RBPJ: variants seen among roughly 807,000 people sequenced by gnomAD.
The protein encoded by RBPJ is recombination signal binding protein for immunoglobulin kappa J region, also known as recombining binding protein suppressor of hairless.
In RBPJ, 9 loss-of-function variants were observed where a neutral mutation model predicts 67.8. The observed-to-expected ratio is 0.13, with a 90% CI of 0.08 to 0.23. The LOEUF (loss-of-function observed/expected upper bound fraction) is 0.23, where lower values mean the gene tolerates loss of function less well. RBPJ is among the 10% of genes least tolerant of loss of function. The pLI is 1.00. For missense variants in RBPJ, 305 were observed against 595.6 expected (o/e 0.51, Z 5.08); for synonymous variants, 198 against 203.3 (o/e 0.97, Z 0.22).
At chr4:26,397,769 G>T (rs1231814411) in intron 2 of RBPJ, among the ~76,000 whole-genome samples, 2 of 152,212 alleles carry the variant, frequency 1.3e-5, no homozygotes, top group Non-Finnish European at 2.9e-5. Flanking sequence ...AGGTAGCTGG[G>T]ATTACAGGCG....
At chr4:26,402,721 T>C (rs1732969665) in intron 2 of RBPJ, among the ~76,000 whole-genome samples, 1 of 152,218 alleles carries the variant, frequency 6.6e-6, no homozygotes, top group Non-Finnish European at 1.5e-5. Context: ...TTCTTGACTC[T>C]CCTGTCAATG....
chr4:26,380,093 T>C (rs1311159653), intron 1 of RBPJ, among the ~76,000 whole-genome samples: 1 of 152,178 alleles, frequency 6.6e-6, no homozygotes, highest in Non-Finnish European at 1.5e-5. Context: ...TAGTGTCTTA[T>C]TCTTCTTGTG....
chr4:26,329,474 G>T (rs1467419862), intron 1 of RBPJ, among the ~76,000 whole-genome samples: 2 of 152,174 alleles, frequency 1.3e-5, no homozygotes, highest in East Asian at 3.9e-4. Flanking sequence ...TAATTGTACT[G>T]TAAGTCACTA....
intron 1 of RBPJ, among the ~76,000 whole-genome samples, chr4:26,287,509 T>C (rs1721507580): frequency 6.8e-6 from 1 of 148,036 alleles, no homozygotes; most frequent in Admixed American, 6.9e-5. Context: ...GTTGTAATCA[T>C]GCTGCTGCAG....
the RBPJ span, among the ~76,000 whole-genome samples, chr4:26,139,003 C>T: frequency 2.0e-5 from 3 of 152,204 alleles, no homozygotes; most frequent in Non-Finnish European, 4.4e-5. Context: ...CCAACAATCC[C>T]GGACATCCAA....
the RBPJ span, among the ~76,000 whole-genome samples, chr4:26,149,438 C>T: frequency 2.6e-5 from 4 of 152,064 alleles, no homozygotes; most frequent in East Asian, 3.9e-4. Flanking sequence ...TCAAGGTATC[C>T]GTGAGTGGGG....
At chr4:26,318,800 C>T (rs1165276789), upstream of RBPJ, among the ~76,000 whole-genome samples, 1 of 151,742 alleles carries the variant, frequency 6.6e-6, no homozygotes, top group Non-Finnish European at 1.5e-5. Context: ...AGATCGAGAC[C>T]ATCCTGACTA....
chr4:26,227,996 T>G (rs184084913), intron 1 of RBPJ, among the ~76,000 whole-genome samples: 75 of 152,300 alleles, frequency 4.9e-4, no homozygotes, highest in East Asian at 4.2e-3. Flanking sequence ...CGCAAGCCAT[T>G]GGTCTAGGGC....
chr4:26,115,329 CCT>C, the RBPJ span, among the ~76,000 whole-genome samples: 1 of 152,144 alleles, frequency 6.6e-6, no homozygotes, highest in African/African-American at 2.4e-5. Context: ...TTTTAAACTA[CCT>C]CTGAGTCAGT....
intron 1 of RBPJ, among the ~76,000 whole-genome samples, chr4:26,339,678 A>G (rs1323327339): frequency 6.6e-6 from 1 of 151,928 alleles, no homozygotes; most frequent in East Asian, 1.9e-4. Flanking sequence ...TACAGTGTGT[A>G]AAAGTAACAC....
chr4:26,333,328 G>T (rs1724454648), intron 1 of RBPJ, among the ~76,000 whole-genome samples: 1 of 152,122 alleles, frequency 6.6e-6, no homozygotes, highest in Non-Finnish European at 1.5e-5. Flanking sequence ...TATTAAAGGT[G>T]CCAGGGAGCT....
At chr4:26,272,570 A>G in intron 1 of RBPJ, 1 of 397,428 alleles carries the variant, frequency 2.5e-6, no homozygotes, top group Non-Finnish European at 4.9e-6. Flanking sequence ...GACCCTGTCT[A>G]TCTCTACAAT....
intron 1 of RBPJ, among the ~76,000 whole-genome samples, chr4:26,202,809 T>G (rs1718025690): frequency 6.6e-6 from 1 of 151,718 alleles, no homozygotes; most frequent in African/African-American, 2.4e-5. Context: ...TTTGGGAGCC[T>G]GAGACAGGAG....
chr4:26,393,017 T>TA (rs1731691231), intron 2 of RBPJ, among the ~76,000 whole-genome samples: 2 of 152,092 alleles, frequency 1.3e-5, no homozygotes, highest in Non-Finnish European at 2.9e-5. Context: ...CCAGCTAATT[T>TA]TTAATTTTTA....
intron 1 of RBPJ, among the ~76,000 whole-genome samples, chr4:26,203,000 AGG>A (rs1360590535): frequency 3.2e-4 from 47 of 147,154 alleles, no homozygotes; most frequent in East Asian, 5.9e-4. Context: ...GAAGGAAGGA[AGG>A]AAGGAAAAAA....
At chr4:26,428,497 G>T in intron 7 of RBPJ, 1 of 428,586 alleles carries the variant, frequency 2.3e-6, no homozygotes, top group Non-Finnish European at 4.1e-6. Flanking sequence ...AGATGTTCAG[G>T]GAAGAGGGTA....
chr4:26,156,566 C>T, the RBPJ span, among the ~76,000 whole-genome samples: 25 of 151,650 alleles, frequency 1.6e-4, no homozygotes, highest in Non-Finnish European at 2.8e-4. Context: ...TCACAGGTGC[C>T]CACCACTCAT....
intron 1 of RBPJ, among the ~76,000 whole-genome samples, chr4:26,261,218 A>C (rs993576980): frequency 1.3e-5 from 2 of 152,176 alleles, no homozygotes; most frequent in African/African-American, 4.8e-5. Flanking sequence ...GTAGAAGTAA[A>C]ATGAGATTGC....
At position 26,430,258 on chromosome 4, in the gene RBPJ, T is replaced by A; in HGVS notation, c.1045-161T>A. The A allele has an allele frequency of 2.4e-6, 2 of 846,446 alleles. No individual in the cohort carries two copies. The highest frequency in any genetic ancestry group is 3.4e-5 in the South Asian group (2 of 59,576). The allele number at this position is 846,446 out of a possible 1,614,324, so 52.4% of individuals were successfully genotyped here. A position where few individuals can be genotyped will look rare whatever the true frequency, so the allele number is the denominator to read the frequency against. ...CAGAAAATTTAAATGTAAATAAACT[T>A]GTATGTTATCTTGAAATGTTTTTAG... is the stretch of plus-strand genomic sequence containing the variant. On this transcript the variant is annotated intron_variant, in intron 9 of 10. Transcript: ENST00000355476. The surrounding 1 kb of genome is among the most constrained non-coding windows in gnomAD (Gnocchi z 4.1).
Sources: allele counts gnomAD v4.1 joint callset (sites outside exome capture counted in the v4.1 genomes callset), GRCh38; gene constraint gnomAD v4.1.1; non-coding constraint Gnocchi (gnomAD v3.1); transcripts MANE v1.5; gene names NCBI Gene and HGNC (gene_info 2026-07-23, HGNC 2026-07-21).